GABBR2: variants seen among roughly 807,000 people sequenced by gnomAD.
The protein encoded by GABBR2 is gamma-aminobutyric acid type B receptor subunit 2.
Under a neutral mutation model 105.6 loss-of-function variants are expected in GABBR2, and 23 were observed. The observed-to-expected ratio is 0.22, with a 90% confidence interval of 0.16 to 0.31. The LOEUF (loss-of-function observed/expected upper bound fraction) is 0.31. Ranked by LOEUF, GABBR2 falls within the 10% of genes least tolerant of loss-of-function variation. The probability of loss-of-function intolerance (pLI) is 1.00; values close to 1 mark genes in which losing one functional copy is unlikely to be tolerated. For missense variants in GABBR2, 734 were observed against 1,245.5 expected (o/e 0.59, Z 6.18); for synonymous variants, 478 against 499.7 (o/e 0.96, Z 0.58).
At chr9:98,404,554 T>A (rs1233785438) in intron 8 of GABBR2, among the ~76,000 whole-genome samples, 1 of 152,016 alleles carries the variant, frequency 6.6e-6, no homozygotes, top group African/African-American at 2.4e-5. Context: ...TGTTTCTGGG[T>A]TTTCCAGAAA....
At chr9:98,549,338 T>C (rs960712067) in intron 2 of GABBR2, among the ~76,000 whole-genome samples, 2 of 57,594 alleles carry the variant, frequency 3.5e-5, no homozygotes, top group African/African-American at 8.0e-5. Flanking sequence ...ACCCTTTTTT[T>C]TCATTTTTGG....
intron 1 of GABBR2, among the ~76,000 whole-genome samples, chr9:98,619,072 C>T (rs1457394885): frequency 6.6e-6 from 1 of 152,042 alleles, no homozygotes; most frequent in African/African-American, 2.4e-5. Flanking sequence ...AATGAGCATA[C>T]ATATATTAAG....
intron 18 of GABBR2, 115 bp downstream of exon 18, chr9:98,293,670 G>T: frequency 1.6e-6 from 1 of 641,234 alleles, no homozygotes. Flanking sequence ...ATCATGGGAT[G>T]GCTGTGGAAA....
chr9:98,552,982 C>A (rs1828517849), intron 2 of GABBR2, among the ~76,000 whole-genome samples: 1 of 151,964 alleles, frequency 6.6e-6, no homozygotes, highest in East Asian at 1.9e-4. Flanking sequence ...GCTCAAGCAT[C>A]CTCCTGCCTC....
intron 1 of GABBR2, among the ~76,000 whole-genome samples, chr9:98,706,819 T>C (rs1322255314): frequency 1.3e-5 from 2 of 152,226 alleles, no homozygotes; most frequent in Non-Finnish European, 2.9e-5. Flanking sequence ...ACAGAGAAAC[T>C]GTCAAGAAGA....
intron 3 of GABBR2, among the ~76,000 whole-genome samples, chr9:98,538,196 C>T (rs1828217725): frequency 6.6e-6 from 1 of 152,214 alleles, no homozygotes; most frequent in South Asian, 2.1e-4. Flanking sequence ...TAAATAGCCC[C>T]ATTTTACACA....
chr9:98,329,518 A>G (rs1375217215), intron 13 of GABBR2, among the ~76,000 whole-genome samples: 3 of 152,162 alleles, frequency 2.0e-5, no homozygotes, highest in Non-Finnish European at 4.4e-5. Context: ...GAAGCTGCAG[A>G]GTCATTGGGC....
intron 13 of GABBR2, among the ~76,000 whole-genome samples, chr9:98,323,649 C>T (rs1168380968): frequency 6.6e-6 from 1 of 152,204 alleles, no homozygotes; most frequent in Non-Finnish European, 1.5e-5. Flanking sequence ...GGCTGGCATC[C>T]CTCCCACCCA....
intron 16 of GABBR2, among the ~76,000 whole-genome samples, chr9:98,302,252 C>T (rs1564008251): frequency 6.6e-6 from 1 of 152,198 alleles, no homozygotes; most frequent in South Asian, 2.1e-4. Flanking sequence ...AAAATATGCA[C>T]AATTTTTGGT....
At chr9:98,435,293 T>C (rs1024953864) in intron 7 of GABBR2, among the ~76,000 whole-genome samples, 1 of 152,246 alleles carries the variant, frequency 6.6e-6, no homozygotes, top group African/African-American at 2.4e-5. Flanking sequence ...TTTAATTTAC[T>C]ATAGTAATGC....
At chr9:98,569,787 A>G (rs1400587659) in intron 2 of GABBR2, among the ~76,000 whole-genome samples, 1 of 152,204 alleles carries the variant, frequency 6.6e-6, no homozygotes, top group Non-Finnish European at 1.5e-5. Context: ...GACCTCTGCC[A>G]TTCCATGAAT....
intron 11 of GABBR2, among the ~76,000 whole-genome samples, chr9:98,381,408 A>T (rs1831973889): frequency 6.6e-6 from 1 of 152,220 alleles, no homozygotes; most frequent in Non-Finnish European, 1.5e-5. Context: ...CTAGGTCCGA[A>T]GGACAGAATC....
At chr9:98,434,989 G>C (rs921957283) in intron 7 of GABBR2, among the ~76,000 whole-genome samples, 1 of 152,180 alleles carries the variant, frequency 6.6e-6, no homozygotes, top group African/African-American at 2.4e-5. Context: ...TGTAGACCTA[G>C]GCTGGAGTGG....
Position 98,409,158 on chromosome 9 carries a change from G to A in GABBR2, c.1237-3017C>T, listed in dbSNP as rs749355468. Among the ~76,000 whole-genome samples the A allele has an allele frequency of 5.4e-4, 82 of 152,340 alleles. 2 individuals carry two copies. The highest frequency in any genetic ancestry group is 7.8e-4 in the Non-Finnish European group (53 of 68,034). On this transcript the variant is annotated intron_variant, in intron 7 of 18. Transcript: ENST00000259455. ...AGTGAGGGAGGCAGGGTTGTGGCTG[G>A]GCGGTGGCAGATGCATAGGTGGACA...
chr9:98,619,607 T>C (rs1829641094), intron 1 of GABBR2, among the ~76,000 whole-genome samples: 1 of 152,186 alleles, frequency 6.6e-6, no homozygotes, highest in Non-Finnish European at 1.5e-5. Context: ...CTTTTTAAAT[T>C]GGTGCTCCTG....
chr9:98,622,046 T>C (rs953291683), intron 1 of GABBR2, among the ~76,000 whole-genome samples: 1 of 152,252 alleles, frequency 6.6e-6, no homozygotes, highest in Non-Finnish European at 1.5e-5. Flanking sequence ...AATGCATTCT[T>C]TTAATGACCC....
intron 1 of GABBR2, among the ~76,000 whole-genome samples, chr9:98,595,984 C>T (rs938192590): frequency 1.1e-4 from 17 of 152,204 alleles, no homozygotes; most frequent in Admixed American, 1.1e-3. Flanking sequence ...ATGCATCTTG[C>T]TTTCTTCTGG....
intron 7 of GABBR2, among the ~76,000 whole-genome samples, chr9:98,433,040 T>A (rs1588157969): frequency 1.3e-5 from 2 of 152,358 alleles, no homozygotes; most frequent in East Asian, 3.9e-4. Flanking sequence ...CACAGGAGAC[T>A]TTAATTCTCA....
intron 1 of GABBR2, among the ~76,000 whole-genome samples, chr9:98,597,936 T>A (rs116156735): frequency 0.013 from 1,997 of 152,180 alleles, 45 homozygotes; most frequent in African/African-American, 0.046. Context: ...CTCTACTGCC[T>A]CAGCCTTCCA....
Sources: gnomAD v4.1 joint callset for allele counts (sites outside exome capture counted in the v4.1 genomes callset) on GRCh38, gnomAD v4.1.1 for gene constraint, MANE v1.5 for transcripts, NCBI Gene and HGNC (gene_info 2026-07-23, HGNC 2026-07-21) for gene names.